The following NDRG1 variants were observed in gnomAD, a reference collection of about 807,000 sequenced individuals.
NDRG1 encodes the protein N-myc downstream regulated 1, also known as protein NDRG1.
NDRG1 carries 32 observed loss-of-function variants against 56.9 expected under a neutral mutation model. That is an observed-to-expected ratio of 0.56 (90% CI 0.42 to 0.76). The LOEUF (loss-of-function observed/expected upper bound fraction) is 0.76. NDRG1 is among the 30% of genes least tolerant of loss of function. The pLI, the probability that NDRG1 is intolerant of heterozygous loss-of-function variation, is 0.00. For synonymous variants in NDRG1, 211 were observed against 204.1 expected (o/e 1.03, Z -0.29); for missense variants, 507 against 545.7 (o/e 0.93, Z 0.71).
intron 1 of NDRG1, among the ~76,000 whole-genome samples, chr8:133,294,570 T>C (rs973658628): frequency 1.3e-5 from 2 of 152,014 alleles, no homozygotes; most frequent in South Asian, 2.1e-4. Flanking sequence ...AAAAACACAA[T>C]GCTATCTTTC....
intron 14 of NDRG1, 70 bp downstream of exon 14, chr8:133,244,285 A>C (rs1286595309): frequency 6.4e-7 from 1 of 1,567,048 alleles, no homozygotes; most frequent in South Asian, 1.1e-5. Context: ...AACAGGTGTC[A>C]CAGAGGCACA....
chr8:133,274,991 C>T (rs150700812), intron 3 of NDRG1, among the ~76,000 whole-genome samples: 5 of 152,310 alleles, frequency 3.3e-5, no homozygotes, highest in Non-Finnish European at 7.3e-5. Context: ...GCTGTCCTGT[C>T]GCTTTGCTGC....
chr8:133,296,655 T>C (rs1364921096), intron 1 of NDRG1: 2 of 417,196 alleles, frequency 4.8e-6, no homozygotes, highest in African/African-American at 4.1e-5. Flanking sequence ...CAACCCCTCA[T>C]CTACACACTC....
At position 133,238,805 on chromosome 8, in the gene NDRG1, G is replaced by A; in HGVS notation, c.*73C>T. ...AGTTAGGCGCAGTATGGCAGGCAGG[G>A]GGCGAAAAGGGGCCGGGGAGGAGGG... On this transcript the variant is annotated 3_prime_UTR_variant, in exon 16 of 16. Coordinates refer to ENST00000323851, the MANE Select transcript of NDRG1 (RefSeq NM_006096.4). The A allele has an allele frequency of 6.7e-7, 1 of 1,481,974 alleles. No homozygotes were observed. Among genetic ancestry groups the A allele is most frequent in the Non-Finnish European group, 9.0e-7 (1 of 1,109,348 alleles). The allele number at this position is 1,481,974 out of a possible 1,614,324, so 91.8% of individuals were successfully genotyped here.
chr8:133,241,986 G>GC (rs1239993524), intron 15 of NDRG1, 37 bp downstream of exon 15: 1 of 1,611,718 alleles, frequency 6.2e-7, no homozygotes, highest in Admixed American at 1.7e-5. Flanking sequence ...TCCGACACAT[G>GC]CCCCGACCCA....
At chr8:133,268,809 G>A (rs1586460062) in intron 3 of NDRG1, among the ~76,000 whole-genome samples, 3 of 151,808 alleles carry the variant, frequency 2.0e-5, no homozygotes, top group South Asian at 4.2e-4. Context: ...ACAGGAGGAG[G>A]AGGAAAAAAG....
chr8:133,285,813 C>A (rs989560517), intron 1 of NDRG1, among the ~76,000 whole-genome samples: 3 of 152,232 alleles, frequency 2.0e-5, no homozygotes, highest in Non-Finnish European at 2.9e-5. Flanking sequence ...TGTGAGCATT[C>A]CTGGGCAGCT....
chr8:133,294,111 C>T (rs1436951300), intron 1 of NDRG1, among the ~76,000 whole-genome samples: 1 of 152,200 alleles, frequency 6.6e-6, no homozygotes, highest in African/African-American at 2.4e-5. Context: ...GAAAAGCAAA[C>T]TGAGGCATGG....
At chr8:133,266,259 C>G (rs557058309) in intron 3 of NDRG1, among the ~76,000 whole-genome samples, 47 of 152,388 alleles carry the variant, frequency 3.1e-4, no homozygotes, top group Non-Finnish European at 5.7e-4. Flanking sequence ...CTCACGAGGC[C>G]ACCTCAGCTC....
In NDRG1 at chr8:133,294,675, G is replaced by T. The variant is rs1001703564; in HGVS notation, c.-19+2459C>A. 5.3e-5 allele frequency among the ~76,000 whole-genome samples: 8 copies of T among 151,914 alleles called. No homozygotes were observed. The South Asian group carries it at 8.3e-4, about 16-fold the overall frequency. ...GTTGAGATCTGTCTTCTGTCATGGGGGGGGGGCAGCCCCATTCAGTCAAAG... is the reference window on the plus strand; with the variant it reads ...GTTGAGATCTGTCTTCTGTCATGGGTGGGGGGCAGCCCCATTCAGTCAAAG... On this transcript the variant is annotated intron_variant, in intron 1 of 15. Transcript: ENST00000323851.
intron 1 of NDRG1, among the ~76,000 whole-genome samples, chr8:133,286,550 T>TA (rs1036075051): frequency 1.3e-5 from 2 of 152,150 alleles, no homozygotes; most frequent in Non-Finnish European, 2.9e-5. Context: ...GGCAATGGGT[T>TA]AAAAAAATCG....
intron 3 of NDRG1, among the ~76,000 whole-genome samples, chr8:133,275,793 C>G (rs1190529702): frequency 6.6e-6 from 1 of 152,190 alleles, no homozygotes; most frequent in East Asian, 1.9e-4. Flanking sequence ...GGCAAGTTCC[C>G]TAACCTCTCT....
chr8:133,291,061 C>CG (rs1563644824), intron 1 of NDRG1, among the ~76,000 whole-genome samples: 3 of 152,166 alleles, frequency 2.0e-5, no homozygotes, highest in African/African-American at 7.2e-5. Flanking sequence ...CTCATTCCCT[C>CG]GGGGGAGGGC....
chr8:133,274,919 G>A (rs1857377429), intron 3 of NDRG1, among the ~76,000 whole-genome samples: 1 of 152,208 alleles, frequency 6.6e-6, no homozygotes, highest in Non-Finnish European at 1.5e-5. Context: ...GCAAGAGGGC[G>A]TGGGAGGCCC....
At chr8:133,242,501 G>C (rs1855441253) in intron 14 of NDRG1, among the ~76,000 whole-genome samples, 1 of 152,200 alleles carries the variant, frequency 6.6e-6, no homozygotes, top group South Asian at 2.1e-4. Flanking sequence ...TGCTACCTTA[G>C]ATACATTTCA....
rs553216292 is a variant in NDRG1 at position 133,297,032 on chromosome 8, G to C, written c.-19+102C>G. On this transcript the variant is annotated intron_variant, in intron 1 of 15. Transcript: ENST00000323851. ...CAGCTCCGGGGCGCTTACTCCTGGA[G>C]TACGCGGGGCTACAAAGGGCGGTCC... The C allele has an allele frequency of 6.4e-5, 10 of 156,984 alleles. No individual in the cohort carries two copies. In the South Asian group the frequency reaches 1.6e-3, roughly 26 times the overall value. 9.7% of individuals were successfully genotyped at this position (156,984 alleles called of 1,614,324 possible).
At chr8:133,273,302 G>A (rs537567593) in intron 3 of NDRG1, among the ~76,000 whole-genome samples, 44 of 152,328 alleles carry the variant, frequency 2.9e-4, no homozygotes, top group Admixed American at 4.6e-4. Flanking sequence ...CTCGGCCCAC[G>A]AGGTACAATT....
chr8:133,281,543 T>C (rs908152545), intron 2 of NDRG1, among the ~76,000 whole-genome samples: 1 of 151,670 alleles, frequency 6.6e-6, no homozygotes, highest in Non-Finnish European at 1.5e-5. Context: ...TGCTGGCATG[T>C]TTTCCTACTG....
chr8:133,281,849 G>A (rs1857825003), intron 2 of NDRG1, among the ~76,000 whole-genome samples: 2 of 152,174 alleles, frequency 1.3e-5, no homozygotes, highest in Admixed American at 6.5e-5. Flanking sequence ...TGCCCTGTGT[G>A]TGTATATGTG....
Sources: gnomAD v4.1 joint callset for allele counts (sites outside exome capture counted in the v4.1 genomes callset) on GRCh38, gnomAD v4.1.1 for gene constraint, MANE v1.5 for transcripts, NCBI Gene and HGNC (gene_info 2026-07-23, HGNC 2026-07-21) for gene names.